CNTN4: variants seen among roughly 807,000 people sequenced by gnomAD.
The protein encoded by CNTN4 is contactin-4.
CNTN4 carries 77 observed loss-of-function variants against 122.5 expected under a neutral mutation model. That is an observed-to-expected ratio of 0.63 (90% confidence interval 0.52 to 0.76). The LOEUF is 0.76. CNTN4 is among the 30% of genes least tolerant of loss of function. The probability of loss-of-function intolerance (pLI) is 0.00; values close to 1 mark genes in which losing one functional copy is unlikely to be tolerated. For missense variants in CNTN4, 1,256 were observed against 1,259.1 expected, an observed-to-expected ratio of 1.00 and a Z score of 0.04; for synonymous variants, 512 against 447.0, an observed-to-expected ratio of 1.15 and a Z score of -1.83.
chr3:2,914,020 A>G (rs186732676), intron 12 of CNTN4, among the ~76,000 whole-genome samples: 36 of 152,336 alleles, frequency 2.4e-4, no homozygotes, highest in African/African-American at 8.7e-4. Flanking sequence ...GAAATCCACA[A>G]ATATGTAAAA....
At chr3:2,224,302 C>T (rs1443680189) in intron 2 of CNTN4, among the ~76,000 whole-genome samples, 1 of 152,120 alleles carries the variant, frequency 6.6e-6, no homozygotes, top group Non-Finnish European at 1.5e-5. Context: ...ACCAGCTTCT[C>T]CTTCCTCACC....
At chr3:2,400,443 ATATATATC>A (rs2046814569) in intron 3 of CNTN4, among the ~76,000 whole-genome samples, 7 of 136,638 alleles carry the variant, frequency 5.1e-5, no homozygotes, top group South Asian at 2.2e-4. Flanking sequence ...ATATATATAT[ATATATATC>A]TCTTTTTTTC....
chr3:2,773,668 A>G (rs1045460476), intron 6 of CNTN4, among the ~76,000 whole-genome samples: 1 of 151,294 alleles, frequency 6.6e-6, no homozygotes, highest in Non-Finnish European at 1.5e-5. Context: ...CAACTATGTC[A>G]CCTTTTCTAA....
At chr3:3,007,489 C>T (rs1182181501) in intron 14 of CNTN4, among the ~76,000 whole-genome samples, 1 of 152,204 alleles carries the variant, frequency 6.6e-6, no homozygotes, top group African/African-American at 2.4e-5. Flanking sequence ...CTGGCTCTGC[C>T]TGTGGTTATC....
At chr3:2,992,164 G>A (rs1424001533) in intron 14 of CNTN4, among the ~76,000 whole-genome samples, 1 of 152,134 alleles carries the variant, frequency 6.6e-6, no homozygotes, top group Non-Finnish European at 1.5e-5. Context: ...ATAAACCTCT[G>A]ACAAGCAATC....
chr3:2,103,496 G>A (rs1050050075), intron 2 of CNTN4, among the ~76,000 whole-genome samples: 2 of 152,126 alleles, frequency 1.3e-5, no homozygotes, highest in Non-Finnish European at 2.9e-5. Context: ...TTCCTCTGAA[G>A]ATTCTATTGT....
chr3:2,699,567 G>A (rs1479842293), intron 4 of CNTN4, among the ~76,000 whole-genome samples: 3 of 152,164 alleles, frequency 2.0e-5, no homozygotes, highest in African/African-American at 7.2e-5. Flanking sequence ...TAACTCAGTT[G>A]CCCTCAGAAT....
At chr3:2,830,192 A>C (rs956020020) in intron 7 of CNTN4, among the ~76,000 whole-genome samples, 4 of 152,154 alleles carry the variant, frequency 2.6e-5, no homozygotes, top group African/African-American at 9.7e-5. Context: ...CTCTCCTGAC[A>C]GTTAGTTTGT....
At chr3:2,400,426 T>TATATATAC (rs1399892591) in intron 3 of CNTN4, among the ~76,000 whole-genome samples, 3 of 71,248 alleles carry the variant, frequency 4.2e-5, no homozygotes, top group African/African-American at 1.4e-4. Flanking sequence ...TATATATATA[T>TATATATAC]ACATATATAT....
At chr3:2,882,842 C>T (rs2093928299) in intron 8 of CNTN4, 1 of 330,256 alleles carries the variant, frequency 3.0e-6, no homozygotes, top group South Asian at 2.8e-5. Flanking sequence ...ACTAGCACTT[C>T]ATCCCCTTCT....
intron 4 of CNTN4, among the ~76,000 whole-genome samples, chr3:2,636,550 C>T (rs1310942454): frequency 6.6e-6 from 1 of 152,138 alleles, no homozygotes; most frequent in African/African-American, 2.4e-5. Flanking sequence ...AAAAGTCCTC[C>T]TTAATGCATT....
At chr3:3,017,074 C>T (rs1697827825) in intron 14 of CNTN4, among the ~76,000 whole-genome samples, 1 of 152,198 alleles carries the variant, frequency 6.6e-6, no homozygotes, top group Admixed American at 6.5e-5. Context: ...TATGCTACTT[C>T]TGTGTTTTCT....
At chr3:2,111,340 C>T (rs2032940589) in intron 2 of CNTN4, among the ~76,000 whole-genome samples, 1 of 152,116 alleles carries the variant, frequency 6.6e-6, no homozygotes, top group Non-Finnish European at 1.5e-5. Context: ...TTCTTTTAAA[C>T]ATTAGTATTT....
intron 12 of CNTN4, among the ~76,000 whole-genome samples, chr3:2,915,728 T>A (rs2094346625): frequency 6.6e-6 from 1 of 152,198 alleles, no homozygotes; most frequent in Non-Finnish European, 1.5e-5. Flanking sequence ...GAAAACAGCA[T>A]CCTGAAGAGA....
chr3:2,207,023 CTTATTA>C (rs67921346), intron 2 of CNTN4, among the ~76,000 whole-genome samples: 1 of 151,658 alleles, frequency 6.6e-6, no homozygotes, highest in Non-Finnish European at 1.5e-5. Context: ...AGACTTTCTT[CTTATTA>C]TTATATTGTT....
At position 2,763,616 on chromosome 3, in the gene CNTN4, G is replaced by C. The variant is rs542653878; in HGVS notation, c.358+17919G>C. Among the ~76,000 whole-genome samples, 35 of 152,096 alleles carry C rather than the reference G, an allele frequency of 2.3e-4. 1 individual carries two copies. In the South Asian group the frequency reaches 7.1e-3, roughly 31 times the overall value. On this transcript the variant is annotated intron_variant, in intron 6 of 24. Transcript: ENST00000418658. The stretch of plus-strand genomic sequence containing the variant: ...TGTCTTCCAGAATTTTTATAGTTTT[G>C]GGTTTTATGTTTAAGTCTTTTATCC...
rs921910857 is a variant in CNTN4, at chr3:2,824,122, G to A, written c.454+4541G>A. ...TCCAACCTGTTCACAAGCATATTCC[G>A]ATTCCATAAATCTGGGCTAGGGTCC... On this transcript the variant is annotated intron_variant, in intron 7 of 24. Transcript: ENST00000418658. 1.5e-4 allele frequency among the ~76,000 whole-genome samples: 22 copies of A among 148,680 alleles called. 3 individuals are homozygous for A. Among genetic ancestry groups the A allele is most frequent in the East Asian group, 1.4e-3 (7 of 4,990 alleles).
rs1197286543 is a variant in CNTN4, at chr3:3,016,816, C to G, written c.1487-9286C>G. ...TGGCAGTCAAGCTTATTAAACAGCT[C>G]TGCTTTGCGATTTTCCCCCAGTCCT... On this transcript the variant is annotated intron_variant, in intron 14 of 24. Transcript: ENST00000418658. 1.3e-5 allele frequency among the ~76,000 whole-genome samples: 2 copies of G among 152,176 alleles called. 1 individual carries two copies. The highest frequency in any genetic ancestry group is 4.1e-4 in the South Asian group (2 of 4,826).
intron 2 of CNTN4, among the ~76,000 whole-genome samples, chr3:2,262,020 T>C (rs762420902): frequency 6.6e-6 from 1 of 152,104 alleles, no homozygotes; most frequent in Non-Finnish European, 1.5e-5. Flanking sequence ...GCTGGTAAAA[T>C]GGATTTTTTT....
Sources: gnomAD v4.1 joint callset for allele counts (sites outside exome capture counted in the v4.1 genomes callset) on GRCh38, gnomAD v4.1.1 for gene constraint, MANE v1.5 for transcripts, NCBI Gene and HGNC (gene_info 2026-07-23, HGNC 2026-07-21) for gene names.